Variants in DACH2 observed in about 807,000 individuals in gnomAD.
DACH2 encodes dachshund family transcription factor 2.
Under a neutral mutation model 35.8 loss-of-function variants are expected in DACH2, and 17 were observed. The ratio of observed to expected loss-of-function variants is 0.48; its 90% CI spans 0.33 to 0.71. The LOEUF is 0.71. DACH2 is among the 30% of genes least tolerant of loss of function. The pLI, the probability that DACH2 is intolerant of heterozygous loss-of-function variation, is 0.02. For missense variants in DACH2, 469 were observed against 472.7 expected (o/e 0.99, Z 0.07); for synonymous variants, 195 against 177.3 (o/e 1.10, Z -0.79).
chrX:86,226,061 A>G (rs1352402201), intron 1 of DACH2, among the ~76,000 whole-genome samples: 2 of 111,731 alleles, frequency 1.8e-5, no homozygotes, highest in Non-Finnish European at 1.9e-5. Flanking sequence ...GTTAGAAGTG[A>G]AATAACTAAT....
intron 1 of DACH2, among the ~76,000 whole-genome samples, chrX:86,278,960 A>G (rs1167034105): frequency 1.8e-5 from 2 of 112,264 alleles, no homozygotes; most frequent in African/African-American, 6.5e-5. Context: ...ACCACAGTTC[A>G]GCAAAGCTGC....
chrX:86,308,004 A>G (rs757691760), intron 1 of DACH2, among the ~76,000 whole-genome samples: 34 of 111,855 alleles, frequency 3.0e-4, no homozygotes, highest in South Asian at 7.5e-4. Flanking sequence ...AATATGGATT[A>G]AAAGATGGCC....
At chrX:86,708,258 C>T (rs1438651701) in intron 5 of DACH2, among the ~76,000 whole-genome samples, 27 of 110,414 alleles carry the variant, frequency 2.4e-4, no homozygotes, top group Admixed American at 2.3e-3. Context: ...CTTATCACTT[C>T]TATTCATCGT....
chrX:86,285,258 A>T (rs949287421), intron 1 of DACH2, among the ~76,000 whole-genome samples: 3 of 111,373 alleles, frequency 2.7e-5, no homozygotes, highest in Non-Finnish European at 5.7e-5. Flanking sequence ...TCTTTAAGAT[A>T]TCTCATCAGA....
At chrX:86,591,154 G>A (rs901326898) in intron 3 of DACH2, among the ~76,000 whole-genome samples, 5 of 111,621 alleles carry the variant, frequency 4.5e-5, no homozygotes, top group Middle Eastern at 4.6e-3. Flanking sequence ...ATGTGAACTC[G>A]TCATTTTTTA....
At chrX:86,320,910 G>A (rs190168621) in intron 1 of DACH2, among the ~76,000 whole-genome samples, 5 of 111,883 alleles carry the variant, frequency 4.5e-5, no homozygotes, top group African/African-American at 1.3e-4. Flanking sequence ...GAGGGGGTGA[G>A]TTTTAACCTT....
chrX:86,575,314 C>A (rs1303122517), intron 3 of DACH2, among the ~76,000 whole-genome samples: 1 of 110,762 alleles, frequency 9.0e-6, no homozygotes, highest in African/African-American at 3.3e-5. Flanking sequence ...GAATTAAAAA[C>A]AAATTGTTCA....
At chrX:86,771,106 G>A (rs1017060185) in intron 7 of DACH2, among the ~76,000 whole-genome samples, 2 of 113,078 alleles carry the variant, frequency 1.8e-5, no homozygotes, top group African/African-American at 6.4e-5. Context: ...AGCGAGGCTT[G>A]TGCTGACATA....
At chrX:86,583,546 A>G (rs1464944085) in intron 3 of DACH2, among the ~76,000 whole-genome samples, 1 of 109,796 alleles carries the variant, frequency 9.1e-6, no homozygotes, top group African/African-American at 3.3e-5. Context: ...CTTTTTTTAA[A>G]TTTTTTTAAT....
intron 3 of DACH2, among the ~76,000 whole-genome samples, chrX:86,561,757 G>A (rs889190751): frequency 2.0e-5 from 1 of 49,393 alleles, no homozygotes; most frequent in Non-Finnish European, 3.5e-5. Context: ...TGGTGGGGTC[G>A]GGGGAGGGGG....
intron 1 of DACH2, among the ~76,000 whole-genome samples, chrX:86,260,524 C>T (rs2033606531): frequency 8.9e-6 from 1 of 111,936 alleles, no homozygotes; most frequent in Non-Finnish European, 1.9e-5. Flanking sequence ...CTGCAAGAAG[C>T]AGAATTTTTT....
intron 4 of DACH2, among the ~76,000 whole-genome samples, chrX:86,667,499 G>GAA (rs1220659719): frequency 5.2e-4 from 22 of 42,237 alleles, no homozygotes; most frequent in East Asian, 2.7e-3. Flanking sequence ...AAGAAAGAAA[G>GAA]AGAAAGAAAG....
chrX:86,791,308 A>G (rs112528726), intron 7 of DACH2, among the ~76,000 whole-genome samples: 36 of 112,046 alleles, frequency 3.2e-4, no homozygotes, highest in Non-Finnish European at 6.4e-4. Context: ...ATAGAACACT[A>G]CTTAAAGAAA....
intron 1 of DACH2, among the ~76,000 whole-genome samples, chrX:86,305,379 A>G (rs2034664284): frequency 8.9e-6 from 1 of 111,965 alleles, no homozygotes. Context: ...GATGTTGTCA[A>G]TAACAGTTCA....
chrX:86,181,142 AT>A (rs2031475501), intron 1 of DACH2, among the ~76,000 whole-genome samples: 1 of 90,896 alleles, frequency 1.1e-5, no homozygotes, highest in Non-Finnish European at 2.2e-5. Flanking sequence ...GTTAGATGTC[AT>A]ATGTCTGACT....
intron 2 of DACH2, among the ~76,000 whole-genome samples, chrX:86,483,715 C>T (rs2037978240): frequency 9.0e-6 from 1 of 110,901 alleles, no homozygotes; most frequent in Admixed American, 9.6e-5. Context: ...TGCCTGTGGT[C>T]CCAGCTACTT....
chrX:86,659,161 G>C (rs1006989114), intron 4 of DACH2, among the ~76,000 whole-genome samples: 2 of 110,517 alleles, frequency 1.8e-5, no homozygotes, highest in Admixed American at 9.7e-5. Flanking sequence ...TTAGCTCCTG[G>C]TACCAAGAAC....
intron 2 of DACH2, among the ~76,000 whole-genome samples, chrX:86,495,290 A>G (rs1038646147): frequency 1.8e-5 from 2 of 108,350 alleles, no homozygotes; most frequent in African/African-American, 6.7e-5. Flanking sequence ...GAGCTCCTGA[A>G]CTTCTGATCC....
intron 1 of DACH2, among the ~76,000 whole-genome samples, chrX:86,301,420 AG>A (rs968775574): frequency 8.9e-6 from 1 of 111,868 alleles, no homozygotes; most frequent in Non-Finnish European, 1.9e-5. Context: ...TTGAAATTCA[AG>A]GAAGATTATT....
Sources: allele counts gnomAD v4.1 joint callset (sites outside exome capture counted in the v4.1 genomes callset), GRCh38; gene constraint gnomAD v4.1.1; transcripts MANE v1.5; gene names NCBI Gene and HGNC (gene_info 2026-07-23, HGNC 2026-07-21).